The following ENAH variants were observed in gnomAD, a reference collection of about 807,000 sequenced individuals.
The protein encoded by ENAH is ENAH actin regulator, also known as protein enabled homolog.
A neutral mutation model predicts 78.7 loss-of-function variants in ENAH; 23 were observed. The ratio of observed to expected loss-of-function variants is 0.29; its 90% CI spans 0.21 to 0.41. ENAH has a LOEUF of 0.41. Among genes scored for constraint, ENAH ranks in the 10% least tolerant of loss-of-function variants. The pLI is 1.00. For synonymous variants in ENAH, 226 were observed against 241.0 expected (o/e 0.94, Z 0.58); for missense variants, 544 against 691.0 (o/e 0.79, Z 2.39).
chr1:225,545,910 CTTT>C (rs56105983), intron 3 of ENAH, among the ~76,000 whole-genome samples: 45,445 of 109,214 alleles, frequency 0.42, 9,976 homozygotes, highest in East Asian at 0.49. Context: ...CATCTGTAAA[CTTT>C]TTTTTTTTTT....
chr1:225,564,816 C>A (rs1304888291), intron 2 of ENAH, among the ~76,000 whole-genome samples: 1 of 151,812 alleles, frequency 6.6e-6, no homozygotes, highest in Non-Finnish European at 1.5e-5. Context: ...TTAATATTTT[C>A]TTCTGTTTTC....
rs1376226450 is a variant in ENAH at position 225,487,799 on chromosome 1, C to G, written c.*9976G>C. On this transcript the variant is annotated 3_prime_UTR_variant, in exon 14 of 14. Transcript: ENST00000366843. ...TAAAATTCAGAGCAAAGCAAGATGA[C>G]AAGAGATTCCAATTCCAGCATATAT... 2 of 152,158 alleles carry G rather than the reference C, an allele frequency of 1.3e-5. No individual in the cohort carries two copies. Among genetic ancestry groups the G allele is most frequent in the Non-Finnish European group, 2.9e-5 (2 of 68,024 alleles). 9.4% of individuals were successfully genotyped at this position (152,158 alleles called of 1,614,324 possible). A position where few individuals can be genotyped will look rare whatever the true frequency, so the allele number is the denominator to read the frequency against.
At chr1:225,521,288 G>C (rs1203733515) in intron 4 of ENAH, among the ~76,000 whole-genome samples, 1 of 152,150 alleles carries the variant, frequency 6.6e-6, no homozygotes, top group South Asian at 2.1e-4. Flanking sequence ...AGGTGAAAAG[G>C]TATGAATTTA....
chr1:225,566,112 A>G (rs1333065296), intron 2 of ENAH, among the ~76,000 whole-genome samples: 2 of 152,000 alleles, frequency 1.3e-5, no homozygotes, highest in Non-Finnish European at 2.9e-5. Flanking sequence ...AAGTTGCTTA[A>G]GTGAAGGAGT....
intron 7 of ENAH, among the ~76,000 whole-genome samples, chr1:225,513,482 GA>G (rs1270578774): frequency 6.6e-6 from 1 of 152,052 alleles, no homozygotes; most frequent in Non-Finnish European, 1.5e-5. Context: ...CTTGCACTAG[GA>G]AAAAAACTGT....
At chr1:225,549,161 T>C (rs866267920) in intron 3 of ENAH, among the ~76,000 whole-genome samples, 7 of 152,012 alleles carry the variant, frequency 4.6e-5, no homozygotes, top group Non-Finnish European at 8.8e-5. Context: ...AACAGATAGG[T>C]TTTATAGGGT....
At position 225,514,620 on chromosome 1, in the gene ENAH, T is replaced by C; in HGVS notation, c.1194A>G (p.Gly398=). ...CCCGTGACACTTTCCTAAGTTTTGC[T>C]CCGGCAATTGCAGCTGCAAGTCCAG... ...PLTGLAAAIA[G]AKLRKVSRME... The change falls in exon 7 of 14, where the codon GGA becomes GGG. Residue 398 remains glycine (G), a synonymous_variant. Transcript: ENST00000366843. 6.2e-7 allele frequency: 1 copy of C among 1,611,976 alleles called. No individual in the cohort carries two copies. The highest frequency in any genetic ancestry group is 1.1e-5 in the South Asian group (1 of 90,954).
intron 1 of ENAH, among the ~76,000 whole-genome samples, chr1:225,635,753 A>G (rs948538589): frequency 2.6e-5 from 4 of 152,298 alleles, no homozygotes; most frequent in African/African-American, 4.8e-5. Flanking sequence ...TGGTGTCTTT[A>G]TAAGAGGAAG....
At chr1:225,549,812 A>ACCT (rs778468366) in intron 3 of ENAH, among the ~76,000 whole-genome samples, 2 of 151,920 alleles carry the variant, frequency 1.3e-5, no homozygotes, top group Admixed American at 6.6e-5. Flanking sequence ...AAAGCTGGTC[A>ACCT]CCTCCTCTTC....
chr1:225,636,964 T>C (rs1383411131), intron 1 of ENAH, among the ~76,000 whole-genome samples: 1 of 152,066 alleles, frequency 6.6e-6, no homozygotes, highest in Non-Finnish European at 1.5e-5. Flanking sequence ...AGAATGGGAT[T>C]GAGGTGAGCA....
At chr1:225,548,966 C>T (rs962041842) in intron 3 of ENAH, among the ~76,000 whole-genome samples, 2 of 151,602 alleles carry the variant, frequency 1.3e-5, no homozygotes, top group Non-Finnish European at 2.9e-5. Flanking sequence ...TCTCCTGCAT[C>T]GGCCTCCCGA....
At chr1:225,504,147 T>C (rs567895291) in intron 11 of ENAH, among the ~76,000 whole-genome samples, 1 of 151,962 alleles carries the variant, frequency 6.6e-6, no homozygotes, top group Non-Finnish European at 1.5e-5. Flanking sequence ...GCTGAGACTA[T>C]AGGCACAAGC....
chr1:225,508,735 G>A (rs1419438525), intron 10 of ENAH, among the ~76,000 whole-genome samples: 4 of 152,214 alleles, frequency 2.6e-5, no homozygotes, highest in Non-Finnish European at 5.9e-5. Context: ...GCTGTCACTG[G>A]CCTCACTACA....
At chr1:225,554,792 A>C in intron 3 of ENAH, 114 bp downstream of exon 3, 1 of 884,114 alleles carries the variant, frequency 1.1e-6, no homozygotes, top group Non-Finnish European at 1.6e-6. Context: ...AAAGTTAACA[A>C]ACATTTGTTT....
intron 11 of ENAH, chr1:225,505,023 A>G: frequency 6.2e-7 from 1 of 1,612,998 alleles, no homozygotes; most frequent in Non-Finnish European, 8.5e-7. Flanking sequence ...TGTTGTCAAA[A>G]ACAATCTGAT....
intron 1 of ENAH, among the ~76,000 whole-genome samples, chr1:225,624,963 G>C (rs1657673369): frequency 6.6e-6 from 1 of 151,860 alleles, no homozygotes; most frequent in African/African-American, 2.4e-5. Context: ...ATGTGAAACA[G>C]CTGACCCCTT....
chr1:225,507,282 C>T (rs2096339669), intron 11 of ENAH, among the ~76,000 whole-genome samples: 1 of 151,884 alleles, frequency 6.6e-6, no homozygotes, highest in South Asian at 2.1e-4. Context: ...TTTTATTTTG[C>T]TCTCTTTTCT....
chr1:225,519,544 C>T lies in ENAH; in HGVS notation c.456G>A (p.Arg152=). The T allele has an allele frequency of 6.2e-7, 1 of 1,611,404 alleles. No individual in the cohort carries two copies. The highest frequency in any genetic ancestry group is 1.1e-5 in the South Asian group (1 of 90,950). The change falls in exon 5 of 14, where the codon CGG becomes CGA. Residue 152 remains arginine (R), a synonymous_variant. Coordinates refer to ENST00000366843, the MANE Select transcript of ENAH (RefSeq NM_018212.6). The stretch of plus-strand genomic sequence containing the variant: ...GCCTTTCCCGCTCCAGCTCCTTTTG[C>T]CGTTGCTGTTCTTGTAGTTGTCTGG... ...IQRRQLQEQQ[R]QKELERERLE...
rs975432672 is a variant in ENAH at position 225,520,433 on chromosome 1, C to T, written c.435-868G>A. ...ACACACATCTATATATACACATACG[C>T]GCACACACGCACCCCTATATACCTC... On this transcript the variant is annotated intron_variant, in intron 4 of 13. Transcript: ENST00000366843. 9.2e-5 allele frequency among the ~76,000 whole-genome samples: 14 copies of T among 152,262 alleles called. No homozygotes were observed. The East Asian group carries it at 9.7e-4, about 10-fold the overall frequency.
Sources: gnomAD v4.1 joint callset for allele counts (sites outside exome capture counted in the v4.1 genomes callset) on GRCh38, gnomAD v4.1.1 for gene constraint, MANE v1.5 for transcripts, NCBI Gene and HGNC (gene_info 2026-07-23, HGNC 2026-07-21) for gene names.